DOCK2: variants seen among roughly 807,000 people sequenced by gnomAD.
DOCK2 encodes the protein dedicator of cytokinesis 2.
Under a neutral mutation model 248.9 loss-of-function variants are expected in DOCK2, and 87 were observed. The ratio of observed to expected loss-of-function variants is 0.35; its 90% CI spans 0.29 to 0.42. DOCK2 has a LOEUF of 0.42. DOCK2 is among the 10% of genes least tolerant of loss of function. The pLI is 1.00. For missense variants in DOCK2, 1,747 were observed against 2,300.2 expected (o/e 0.76, Z 4.92); for synonymous variants, 805 against 821.6 (o/e 0.98, Z 0.35).
intron 27 of DOCK2, among the ~76,000 whole-genome samples, chr5:169,944,915 G>A (rs1215846337): frequency 6.6e-6 from 1 of 152,158 alleles, no homozygotes; most frequent in Non-Finnish European, 1.5e-5. Context: ...CCTGTCTCTT[G>A]TCTGCTACAT....
chr5:169,985,901 C>A lies in DOCK2; in HGVS notation c.2972C>A (p.Ala991Asp). The A allele has an allele frequency of 1.2e-6, 2 of 1,610,618 alleles. No individual in the cohort carries two copies. Among genetic ancestry groups the A allele is most frequent in the Non-Finnish European group, 8.5e-7 (1 of 1,177,890 alleles). ...AACGTGTACCCTGGAGACTGGATGG[C>A]CATGAGCATGGTTCAAAACAGGTGA... ...GKNVYPGDWM[A>D]MSMVQNRVFL... Residue 991 changes from alanine (A) to aspartate (D), a missense_variant, in exon 29 of 52, where the codon GCC (alanine) becomes GAC (aspartate). Ala to Asp is a moderately radical substitution (Grantham distance 126). This residue lies in a region of DOCK2 where 858 missense variants were observed against 1,183.5 expected (regional missense o/e 0.72). Transcript: ENST00000520908.
chr5:169,901,536 A>G (rs1751226796), intron 27 of DOCK2, among the ~76,000 whole-genome samples: 1 of 152,136 alleles, frequency 6.6e-6, no homozygotes, highest in African/African-American at 2.4e-5. Context: ...TGGATGGGGC[A>G]AAAGTGGAAG....
rs1469311354 is a variant in DOCK2 at position 169,684,292 on chromosome 5, G to A, written c.703G>A (p.Gly235Arg). The A allele has an allele frequency of 6.2e-7, 1 of 1,614,098 alleles. No individual in the cohort carries two copies. Among genetic ancestry groups the A allele is most frequent in the South Asian group, 1.1e-5 (1 of 91,070 alleles). ...VFVRNFVCRI[G>R]EDAELFMSLY... ...TGTGAGAAACTTTGTGTGCAGAATTGGGGAAGATGCTGAGCTCTTCATGTC... is the reference window on the plus strand; with the variant it reads ...TGTGAGAAACTTTGTGTGCAGAATTAGGGAAGATGCTGAGCTCTTCATGTC... Residue 235 changes from glycine (G) to arginine (R), a missense_variant, in exon 8 of 52, where the codon GGG (glycine) becomes AGG (arginine). This residue lies in a region of DOCK2 where 375 missense variants were observed against 510.9 expected (regional missense o/e 0.73). Transcript: ENST00000520908.
intron 22 of DOCK2, among the ~76,000 whole-genome samples, chr5:169,734,111 T>G (rs1290752807): frequency 6.6e-6 from 1 of 152,202 alleles, no homozygotes; most frequent in Non-Finnish European, 1.5e-5. Flanking sequence ...GCCTAATTTC[T>G]TTAAACCCAT....
intron 39 of DOCK2, 123 bp downstream of exon 39, chr5:170,046,028 G>C (rs534690116): frequency 1.2e-6 from 1 of 851,436 alleles, no homozygotes; most frequent in South Asian, 1.4e-5. Context: ...GAAAATGAAC[G>C]GAAGTAGGAC....
intron 26 of DOCK2, among the ~76,000 whole-genome samples, chr5:169,831,164 A>G (rs1353307062): frequency 6.6e-6 from 1 of 151,982 alleles, no homozygotes; most frequent in Non-Finnish European, 1.5e-5. Flanking sequence ...ATCATTGTTA[A>G]TGGTTTGCCA....
chr5:169,763,376 G>A lies in DOCK2; in HGVS notation c.2554+1751G>A, dbSNP rs561206533. Among the ~76,000 whole-genome samples, 6 of 152,354 alleles carry A rather than the reference G, an allele frequency of 3.9e-5. No individual in the cohort carries two copies. Among genetic ancestry groups the A allele is most frequent in the East Asian group, 1.9e-4 (1 of 5,180 alleles). ...CCCATCCTAGAGACATGACAAGGAC[G>A]ACTCTAGCTACGCATATGGTGTGGC... On this transcript the variant is annotated intron_variant, in intron 25 of 51. Transcript: ENST00000520908. This position sits in a 1 kb window ranked among gnomAD's most constrained non-coding sequence, Gnocchi z 4.1.
chr5:169,761,180 C>T, intron 24 of DOCK2: 1 of 166,216 alleles, frequency 6.0e-6, no homozygotes, highest in Non-Finnish European at 1.3e-5. Flanking sequence ...TAAACCTGAG[C>T]TTTCTAACTT....
intron 25 of DOCK2, among the ~76,000 whole-genome samples, chr5:169,767,617 A>G (rs1419160871): frequency 6.6e-6 from 1 of 152,184 alleles, no homozygotes; most frequent in Non-Finnish European, 1.5e-5. Context: ...TTCTTTAGCT[A>G]CAGAAATGTG....
intron 25 of DOCK2, among the ~76,000 whole-genome samples, chr5:169,799,277 C>T (rs1766830174): frequency 6.6e-6 from 1 of 152,212 alleles, no homozygotes; most frequent in Non-Finnish European, 1.5e-5. Context: ...AAGAGGAAGA[C>T]TTTACCACTT....
At chr5:169,771,220 T>C (rs191687482) in intron 25 of DOCK2, among the ~76,000 whole-genome samples, 300 of 152,354 alleles carry the variant, frequency 2.0e-3, no homozygotes, top group Middle Eastern at 6.8e-3. Context: ...AATCCTTTGT[T>C]CTGTTTTCTT....
intron 35 of DOCK2, among the ~76,000 whole-genome samples, chr5:170,035,976 C>G (rs1049858181): frequency 1.3e-5 from 2 of 152,168 alleles, no homozygotes; most frequent in African/African-American, 4.8e-5. Flanking sequence ...GGCCCCTGAG[C>G]TGGAATAGGG....
At chr5:169,775,902 C>G (rs1346410264) in intron 25 of DOCK2, among the ~76,000 whole-genome samples, 2 of 151,592 alleles carry the variant, frequency 1.3e-5, no homozygotes, top group Non-Finnish European at 2.9e-5. Flanking sequence ...GATATGCTTC[C>G]TTGCTAAGGG....
chr5:169,944,527 G>T (rs568338678), intron 27 of DOCK2, among the ~76,000 whole-genome samples: 2 of 152,340 alleles, frequency 1.3e-5, no homozygotes, highest in South Asian at 4.1e-4. Flanking sequence ...TACCAGGGAG[G>T]CTTTGAAACT....
chr5:169,693,268 G>A (rs1760413215), intron 9 of DOCK2, among the ~76,000 whole-genome samples: 1 of 152,132 alleles, frequency 6.6e-6, no homozygotes, highest in Non-Finnish European at 1.5e-5. Context: ...AGGGTGGTTA[G>A]GAAGAAAGAT....
chr5:169,944,235 A>G (rs1370368664), intron 27 of DOCK2, among the ~76,000 whole-genome samples: 1 of 152,132 alleles, frequency 6.6e-6, no homozygotes, highest in African/African-American at 2.4e-5. Flanking sequence ...GGTGAGCCCC[A>G]ACTCCCTGAT....
intron 25 of DOCK2, among the ~76,000 whole-genome samples, chr5:169,767,666 C>T (rs936316553): frequency 6.6e-6 from 1 of 152,186 alleles, no homozygotes; most frequent in Non-Finnish European, 1.5e-5. Flanking sequence ...GCCAGAGACC[C>T]AGCTGCTGCT....
intron 22 of DOCK2, among the ~76,000 whole-genome samples, chr5:169,745,250 C>T (rs1392873122): frequency 1.3e-5 from 2 of 152,220 alleles, no homozygotes; most frequent in Non-Finnish European, 1.5e-5. Flanking sequence ...GGACAGGGTA[C>T]TCTGGTCCCA....
rs1759835237 is a variant in DOCK2 at position 169,684,345 on chromosome 5, C to T, written c.756C>T (p.Val252=). ...MSLYDPNKQT[V]ISENYLVRWG... ...TCTACGACCCCAACAAGCAAACGGT[C>T]ATAAGGTAGGTGTGTCCAGGGTTGC... The change falls in exon 8 of 52, where the codon GTC becomes GTT. Residue 252 remains valine, a synonymous_variant. Transcript: ENST00000520908. The T allele has an allele frequency of 6.2e-7, 1 of 1,613,964 alleles. No homozygotes were observed. Among genetic ancestry groups the T allele is most frequent in the Admixed American group, 1.7e-5 (1 of 59,998 alleles).
Sources: gnomAD v4.1 joint callset for allele counts (sites outside exome capture counted in the v4.1 genomes callset) on GRCh38, gnomAD v4.1.1 for gene constraint, gnomAD v4.1.1 regional missense constraint, Gnocchi (gnomAD v3.1) non-coding constraint, MANE v1.5 for transcripts, NCBI Gene and HGNC (gene_info 2026-07-23, HGNC 2026-07-21) for gene names.